ATP13A4: variants seen among roughly 807,000 people sequenced by gnomAD.
The protein encoded by ATP13A4 is probable cation-transporting ATPase 13A4.
ATP13A4 carries 114 observed loss-of-function variants against 142.5 expected under a neutral mutation model. The ratio of observed to expected loss-of-function variants is 0.80; its 90% CI spans 0.69 to 0.93. The LOEUF is 0.93. Ranked by LOEUF, ATP13A4 falls within the 40% of genes least tolerant of loss-of-function variation. ATP13A4 has a pLI of 0.00. For missense variants in ATP13A4, 1,392 were observed against 1,454.0 expected (o/e 0.96, Z 0.69); for synonymous variants, 488 against 514.8 (o/e 0.95, Z 0.70).
chr3:193,404,027 C>G, intron 29 of ATP13A4: 4 of 985,422 alleles, frequency 4.1e-6, no homozygotes, highest in Non-Finnish European at 3.6e-6. Flanking sequence ...AACTGACCAT[C>G]TGCTGGCTGC....
At chr3:193,513,936 T>C (rs1721269108) in intron 2 of ATP13A4, among the ~76,000 whole-genome samples, 1 of 152,220 alleles carries the variant, frequency 6.6e-6, no homozygotes, top group Non-Finnish European at 1.5e-5. Flanking sequence ...TAGTAGCCTA[T>C]AGCCTGACTT....
chr3:193,563,100 G>GA (rs1724053676), intron 2 of ATP13A4, among the ~76,000 whole-genome samples: 1 of 152,082 alleles, frequency 6.6e-6, no homozygotes, highest in South Asian at 2.1e-4. Flanking sequence ...ATTTTTTAGG[G>GA]AAAAAATAGT....
At chr3:193,554,686 G>A in intron 1 of ATP13A4, 54 bp downstream of exon 1, 1 of 1,306,264 alleles carries the variant, frequency 7.7e-7, no homozygotes, top group East Asian at 2.4e-5. Context: ...GTGTGTGTGT[G>A]TCTCGCAGGC....
rs201293283 is a variant in ATP13A4, at chr3:193,457,106, C to T, written c.1809G>A (p.Ser603=). Residue 603 remains serine (S), a synonymous_variant, in exon 16 of 30, where the codon TCG becomes TCA. Transcript: ENST00000342695. ...IAILHQFPFS[S]ALQRMTVIVQ... The stretch of plus-strand genomic sequence containing the variant: ...CAATGACTGTCATTCTTTGCAGTGC[C>T]GATGAGAATGGGAACTGATGCAGGA... The T allele has an allele frequency of 2.7e-5, 44 of 1,613,484 alleles. No individual in the cohort carries two copies. The South Asian group carries it at 4.0e-4, about 14-fold the overall frequency.
rs369469099 is a variant in ATP13A4, at chr3:193,439,074, G to A, written c.2520-9C>T. 1.6e-5 allele frequency: 25 copies of A among 1,600,068 alleles called. No homozygotes were observed. In the South Asian group the frequency reaches 2.0e-4, roughly 13 times the overall value. ...ACATACCTACAAAGTAACTAAGAGG[G>A]AACCACATTAATTGTAGATGAGATC... On this transcript the variant is annotated splice_polypyrimidine_tract_variant and intron_variant, in intron 21 of 29. Transcript: ENST00000342695.
intron 2 of ATP13A4, among the ~76,000 whole-genome samples, chr3:193,573,276 C>CATATATATATATACTTATATAT: frequency 1.3e-5 from 1 of 77,836 alleles, no homozygotes; most frequent in African/African-American, 6.4e-5. Context: ...TATATATATA[C>CATATATATATATACTTATATAT]ATATATATAT....
intron 2 of ATP13A4, among the ~76,000 whole-genome samples, chr3:193,574,004 A>C (rs898455514): frequency 2.0e-5 from 3 of 152,160 alleles, no homozygotes; most frequent in Non-Finnish European, 2.9e-5. Context: ...GAGGAGAGTA[A>C]ACAGGAACTA....
intron 7 of ATP13A4, among the ~76,000 whole-genome samples, chr3:193,489,478 T>C (rs1242148891): frequency 1.3e-5 from 2 of 152,178 alleles, no homozygotes; most frequent in South Asian, 2.1e-4. Context: ...CCTTTGGATG[T>C]TGTTCTGGCT....
At chr3:193,574,952 C>G (rs763951636) in intron 2 of ATP13A4, among the ~76,000 whole-genome samples, 1 of 152,146 alleles carries the variant, frequency 6.6e-6, no homozygotes, top group Non-Finnish European at 1.5e-5. Flanking sequence ...ACTACTCTGA[C>G]CAGTAGAATA....
intron 6 of ATP13A4, 132 bp from the exon 7 acceptor site, chr3:193,489,996 C>A: frequency 9.6e-7 from 1 of 1,041,552 alleles, no homozygotes; most frequent in Non-Finnish European, 1.4e-6. Context: ...ATTTATTCGG[C>A]AATTGACACG....
At position 193,439,159 on chromosome 3, in the gene ATP13A4, T is replaced by G. The variant is rs139921735; in HGVS notation, c.2520-94A>C. 4 of 1,293,114 alleles carry G rather than the reference T, an allele frequency of 3.1e-6. No individual in the cohort carries two copies. The South Asian group carries it at 4.7e-5, about 15-fold the overall frequency. 80.1% of individuals were successfully genotyped at this position (1,293,114 alleles called of 1,614,324 possible). On this transcript the variant is annotated intron_variant, in intron 21 of 29. Coordinates refer to ENST00000342695, the MANE Select transcript of ATP13A4 (RefSeq NM_032279.4). ...CAAAGTAACCATCATTACTTAGGGTTCAAACTCATTATTTAAGGGAATTTT... is the reference window on the plus strand; with the variant it reads ...CAAAGTAACCATCATTACTTAGGGTGCAAACTCATTATTTAAGGGAATTTT...
At chr3:193,483,899 T>C in intron 8 of ATP13A4, 37 bp downstream of exon 8, 2 of 1,417,374 alleles carry the variant, frequency 1.4e-6, no homozygotes, top group Non-Finnish European at 2.0e-6. Context: ...TCTGATTCCA[T>C]GTGAATAGCA....
At chr3:193,510,064 C>T (rs1721060774) in intron 2 of ATP13A4, among the ~76,000 whole-genome samples, 1 of 152,100 alleles carries the variant, frequency 6.6e-6, no homozygotes, top group African/African-American at 2.4e-5. Context: ...AGGCACAAAA[C>T]AGTGTCTTGT....
chr3:193,442,192 G>A (rs1291677630), intron 19 of ATP13A4, among the ~76,000 whole-genome samples: 1 of 152,154 alleles, frequency 6.6e-6, no homozygotes, highest in African/African-American at 2.4e-5. Context: ...GTTAAAAGAT[G>A]GATTATTTCC....
At chr3:193,532,651 G>A (rs1306032342) in intron 1 of ATP13A4, among the ~76,000 whole-genome samples, 10 of 151,782 alleles carry the variant, frequency 6.6e-5, no homozygotes, top group Admixed American at 6.6e-4. Context: ...TTACCATCAA[G>A]AGTCTTAAAA....
rs114926330 is a variant in ATP13A4 at position 193,564,304 on chromosome 3, G to A, written n.291+17403C>T. Reference sequence around the variant, plus strand: ...AAACCATGCAAATATTCATGATCTGGGCAAAATCCCTAAATGAGGGTAAGC... The same window carrying A: ...AAACCATGCAAATATTCATGATCTGAGCAAAATCCCTAAATGAGGGTAAGC... On this transcript the variant is annotated intron_variant and non_coding_transcript_variant, in intron 2 of 3. Coordinates refer to the ATP13A4 transcript ENST00000489140. Among the ~76,000 whole-genome samples, 813 of 152,316 alleles carry A rather than the reference G, an allele frequency of 5.3e-3. 11 individuals carry two copies. The highest frequency in any genetic ancestry group is 0.018 in the African/African-American group (761 of 41,564).
chr3:193,489,648 C>T, intron 7 of ATP13A4, 82 bp downstream of exon 7: 1 of 1,458,922 alleles, frequency 6.9e-7, no homozygotes, highest in Non-Finnish European at 9.5e-7. Context: ...GTGACTATTT[C>T]CTGATTCTCC....
At chr3:193,525,704 C>G (rs1317097587) in intron 1 of ATP13A4, among the ~76,000 whole-genome samples, 1 of 152,176 alleles carries the variant, frequency 6.6e-6, no homozygotes, top group East Asian at 1.9e-4. Flanking sequence ...CTCTAAGTTC[C>G]CTCCTCATCA....
At chr3:193,534,873 A>T (rs1434953844) in intron 1 of ATP13A4, among the ~76,000 whole-genome samples, 1 of 152,146 alleles carries the variant, frequency 6.6e-6, no homozygotes, top group Non-Finnish European at 1.5e-5. Context: ...ATTTGAGGAG[A>T]TGAGTCAACC....
Sources: gnomAD v4.1 joint callset for allele counts (sites outside exome capture counted in the v4.1 genomes callset) on GRCh38, gnomAD v4.1.1 for gene constraint, MANE v1.5 for transcripts, NCBI Gene and HGNC (gene_info 2026-07-23, HGNC 2026-07-21) for gene names.